MACROD2: variants seen among roughly 807,000 people sequenced by gnomAD.
MACROD2 encodes mono-ADP ribosylhydrolase 2, also known as ADP-ribose glycohydrolase MACROD2.
Under a neutral mutation model 70.4 loss-of-function variants are expected in MACROD2, and 36 were observed. The ratio of observed to expected loss-of-function variants is 0.51; its 90% CI spans 0.39 to 0.68. The LOEUF is 0.68. Among genes scored for constraint, MACROD2 ranks in the 30% least tolerant of loss-of-function variants. The pLI, the probability that MACROD2 is intolerant of heterozygous loss-of-function variation, is 0.00. For synonymous variants in MACROD2, 172 were observed against 178.8 expected (o/e 0.96, Z 0.30); for missense variants, 496 against 538.4 (o/e 0.92, Z 0.78).
chr20:15,217,819 C>A (rs2076824243), intron 5 of MACROD2, among the ~76,000 whole-genome samples: 1 of 152,080 alleles, frequency 6.6e-6, no homozygotes, highest in Non-Finnish European at 1.5e-5. Context: ...TGCATGCAAA[C>A]ATTTCATTCT....
intron 5 of MACROD2, among the ~76,000 whole-genome samples, chr20:14,852,866 C>T (rs1245148524): frequency 6.6e-6 from 1 of 152,172 alleles, no homozygotes; most frequent in Non-Finnish European, 1.5e-5. Context: ...AAACTTATCC[C>T]TAGGTACTCT....
intron 8 of MACROD2, among the ~76,000 whole-genome samples, chr20:15,549,708 C>T (rs56396845): frequency 0.017 from 2,615 of 152,216 alleles, 74 homozygotes; most frequent in African/African-American, 0.059. Context: ...CAGTCCCAGT[C>T]GTCATATCCT....
chr20:15,368,797 CT>C (rs2045449184), intron 6 of MACROD2, among the ~76,000 whole-genome samples: 1 of 152,100 alleles, frequency 6.6e-6, no homozygotes, highest in Admixed American at 6.6e-5. Flanking sequence ...GAGATACAGT[CT>C]TTGTGTCTAG....
chr20:15,562,018 C>T (rs1410089476), intron 8 of MACROD2, among the ~76,000 whole-genome samples: 3 of 152,060 alleles, frequency 2.0e-5, no homozygotes, highest in African/African-American at 7.2e-5. Flanking sequence ...AGGAAGCAGC[C>T]TCTCTCGTAC....
At chr20:14,363,801 A>G (rs2083246397) in intron 3 of MACROD2, among the ~76,000 whole-genome samples, 1 of 123,974 alleles carries the variant, frequency 8.1e-6, no homozygotes, top group Non-Finnish European at 1.6e-5. Context: ...TGGGCGACAG[A>G]GCCAGACTCT....
chr20:14,113,049 A>G (rs1299782498), intron 3 of MACROD2, among the ~76,000 whole-genome samples: 1 of 151,990 alleles, frequency 6.6e-6, no homozygotes, highest in Non-Finnish European at 1.5e-5. Context: ...ATAATGGTTT[A>G]TTAAACTTGG....
rs71190180 is a variant in MACROD2 at position 15,194,245 on chromosome 20, C to CAAAAA, written c.419-35674_419-35670dup. On this transcript the variant is annotated intron_variant, in intron 5 of 17. Transcript: ENST00000684519. ...TGGGTGACAGAGCGACACTCTGTCT[C>CAAAAA]AAAAAAAAAAAAAAAAAAAAAAAAA... 5.2e-4 allele frequency among the ~76,000 whole-genome samples: 26 copies of CAAAAA among 49,828 alleles called. 2 individuals are homozygous for CAAAAA. The highest frequency in any genetic ancestry group is 9.8e-4 in the African/African-American group (11 of 11,224). The allele number at this position is 49,828 out of a possible 152,430, so 32.7% of individuals were successfully genotyped here.
chr20:15,001,083 A>G (rs748462665), intron 5 of MACROD2, among the ~76,000 whole-genome samples: 2 of 152,144 alleles, frequency 1.3e-5, no homozygotes, highest in Admixed American at 6.5e-5. Flanking sequence ...TGTACCTATG[A>G]TCTCAAGAAT....
chr20:15,434,425 A>G (rs751014211), intron 7 of MACROD2, among the ~76,000 whole-genome samples: 5 of 152,094 alleles, frequency 3.3e-5, no homozygotes, highest in South Asian at 2.1e-4. Flanking sequence ...AAAATGCTCA[A>G]CCTCACTAAT....
At chr20:14,028,776 C>T (rs1208861014) in intron 2 of MACROD2, among the ~76,000 whole-genome samples, 1 of 152,096 alleles carries the variant, frequency 6.6e-6, no homozygotes, top group East Asian at 1.9e-4. Context: ...GAGCCAGGTA[C>T]CTCAGTTGGA....
intron 8 of MACROD2, among the ~76,000 whole-genome samples, chr20:15,575,028 T>G (rs2048426504): frequency 6.6e-6 from 1 of 152,186 alleles, no homozygotes; most frequent in African/African-American, 2.4e-5. Flanking sequence ...CCTCCATAGA[T>G]ATAAGCTCAA....
rs561076588 is a variant in MACROD2, at chr20:15,098,640, G to T, written c.419-131300G>T. Among the ~76,000 whole-genome samples, 8 of 152,314 alleles carry T rather than the reference G, an allele frequency of 5.3e-5. No homozygotes were observed. The East Asian group carries it at 1.5e-3, about 29-fold the overall frequency. On this transcript the variant is annotated intron_variant, in intron 5 of 17. Transcript: ENST00000684519. ...GAGTGGTGAATAAGATTTAGTCCTT[G>T]CTATCCTAAGATTATACTTTAGAAG... is the stretch of plus-strand genomic sequence containing the variant.
intron 5 of MACROD2, among the ~76,000 whole-genome samples, chr20:14,955,714 C>T (rs1275931021): frequency 6.6e-6 from 1 of 152,040 alleles, no homozygotes; most frequent in Non-Finnish European, 1.5e-5. Context: ...CCACCCCCAG[C>T]CCTGCAACTG....
intron 3 of MACROD2, among the ~76,000 whole-genome samples, chr20:14,278,157 C>G (rs1377505144): frequency 6.6e-6 from 1 of 152,156 alleles, no homozygotes; most frequent in East Asian, 1.9e-4. Context: ...TTATTAGCTG[C>G]TTGTTTACTT....
intron 8 of MACROD2, among the ~76,000 whole-genome samples, chr20:15,732,612 T>C (rs549060519): frequency 1.3e-4 from 20 of 152,202 alleles, no homozygotes; most frequent in Non-Finnish European, 2.5e-4. Context: ...CATTTGTGAA[T>C]ATTTTGAATG....
rs537028814 is a variant in MACROD2, at chr20:14,720,833, G to T, written c.418+35874G>T. 3.8e-4 allele frequency among the ~76,000 whole-genome samples: 58 copies of T among 152,024 alleles called. 1 individual carries two copies. Among genetic ancestry groups the T allele is most frequent in the African/African-American group, 1.4e-3 (56 of 41,462 alleles). On this transcript the variant is annotated intron_variant, in intron 5 of 17. Transcript: ENST00000684519. ...CCGCAATGTGCTGGGATTACAGGCA[G>T]AAGCCACTGCTCCCGCCCACAAAAC... is the stretch of plus-strand genomic sequence containing the variant.
At chr20:14,172,303 CTT>C (rs142877520) in intron 3 of MACROD2, among the ~76,000 whole-genome samples, 4 of 112,258 alleles carry the variant, frequency 3.6e-5, no homozygotes, top group Admixed American at 1.1e-4. Flanking sequence ...CATTCCGTAC[CTT>C]TTTTTTTTTT....
At chr20:15,452,315 A>G (rs185993690) in intron 7 of MACROD2, among the ~76,000 whole-genome samples, 3 of 152,280 alleles carry the variant, frequency 2.0e-5, no homozygotes, top group Non-Finnish European at 2.9e-5. Flanking sequence ...AGCCTATAGC[A>G]AATTAGAAGA....
rs6110339 is a variant in MACROD2, at chr20:14,579,158, G to A, written c.301+85650G>A. 1.3e-3 allele frequency among the ~76,000 whole-genome samples: 159 copies of A among 119,426 alleles called. 1 individual carries two copies. Among genetic ancestry groups the A allele is most frequent in the African/African-American group, 4.7e-3 (144 of 30,392 alleles). The allele number at this position is 119,426 out of a possible 152,430, so 78.3% of individuals were successfully genotyped here. ...TTTTTTTTTTTTTTTTTTTTGAGAC[G>A]GAGTCTCGCTCTGTCGCCCAGGCCG... On this transcript the variant is annotated intron_variant, in intron 4 of 17. Transcript: ENST00000684519.
Sources: allele counts gnomAD v4.1 joint callset (sites outside exome capture counted in the v4.1 genomes callset), GRCh38; gene constraint gnomAD v4.1.1; transcripts MANE v1.5; gene names NCBI Gene and HGNC (gene_info 2026-07-23, HGNC 2026-07-21).